The following PCDHA6 variants were observed in gnomAD, a reference collection of about 807,000 sequenced individuals.
The protein encoded by PCDHA6 is protocadherin alpha-6.
A neutral mutation model predicts 60.3 loss-of-function variants in PCDHA6; 55 were observed. The ratio of observed to expected loss-of-function variants is 0.91; its 90% CI spans 0.73 to 1.14. The LOEUF (loss-of-function observed/expected upper bound fraction) is 1.14. Among genes scored for constraint, PCDHA6 ranks in the 50% most tolerant of loss-of-function variants. The probability of loss-of-function intolerance (pLI) is 0.00; values close to 1 mark genes in which losing one functional copy is unlikely to be tolerated. For synonymous variants in PCDHA6, 652 were observed against 557.9 expected (o/e 1.17, Z -2.38); for missense variants, 1,327 against 1,256.5 (o/e 1.06, Z -0.85).
chr5:140,915,262 T>G (rs539637990), intron 1 of PCDHA6, among the ~76,000 whole-genome samples: 1 of 152,290 alleles, frequency 6.6e-6, no homozygotes, highest in Admixed American at 6.5e-5. Context: ...GTTATTATTT[T>G]TGACCAGTTC....
rs560121926 is a variant in PCDHA6 at position 140,949,352 on chromosome 5, T to A, written c.2395-29597T>A. Among the ~76,000 whole-genome samples, 6 of 151,992 alleles carry A rather than the reference T, an allele frequency of 3.9e-5. No individual in the cohort carries two copies. The South Asian group carries it at 1.2e-3, about 31-fold the overall frequency. On this transcript the variant is annotated intron_variant, in intron 1 of 3. Transcript: ENST00000529310. Reference sequence around the variant, plus strand: ...TTGTTATCCAGATTTTCTGTGTCTTTATTTTTTTGTCTAGTTGTCCTATCA... The same window carrying A: ...TTGTTATCCAGATTTTCTGTGTCTTAATTTTTTTGTCTAGTTGTCCTATCA...
intron 1 of PCDHA6, among the ~76,000 whole-genome samples, chr5:140,873,079 TC>T (rs544069393): frequency 1.1e-4 from 17 of 152,076 alleles, no homozygotes; most frequent in Admixed American, 4.6e-4. Context: ...TCTAGCTATT[TC>T]CCCCCCGTAT....
At chr5:140,875,966 ACT>A (rs782792514) in intron 1 of PCDHA6, 11 of 1,613,922 alleles carry the variant, frequency 6.8e-6, no homozygotes, top group Admixed American at 6.7e-5. Context: ...ATCGGCGTAA[ACT>A]CTCTTTTGAC....
rs2098414886 is a variant in PCDHA6, at chr5:141,009,848, A to T, written c.2764A>T (p.Thr922Ser). 7 of 1,614,012 alleles carry T rather than the reference A, an allele frequency of 4.3e-6. No homozygotes were observed. Among genetic ancestry groups the T allele is most frequent in the Non-Finnish European group, 5.1e-6 (6 of 1,180,014 alleles). ...DFITFGKKEE[T>S]KKKKKKKKGN... ...CATAACCTTCGGCAAAAAGGAGGAGACCAAGAAAAAGAAGAAAAAGAAGAA... is the reference window on the plus strand; with the variant it reads ...CATAACCTTCGGCAAAAAGGAGGAGTCCAAGAAAAAGAAGAAAAAGAAGAA... The change falls in exon 4 of 4, where the codon ACC becomes TCC. Residue 922 changes from threonine (T) to serine (S), a missense_variant. Thr to Ser is a moderately conservative substitution (Grantham distance 58). Transcript: ENST00000529310.
At chr5:140,843,596 T>A in intron 1 of PCDHA6, 1 of 1,596,026 alleles carries the variant, frequency 6.3e-7, no homozygotes, top group Non-Finnish European at 8.6e-7. Flanking sequence ...GCAGAGGGTG[T>A]GCTCTGGTGA....
chr5:140,832,681 A>C (rs1347638323), intron 1 of PCDHA6, among the ~76,000 whole-genome samples: 2 of 152,234 alleles, frequency 1.3e-5, no homozygotes, highest in Non-Finnish European at 1.5e-5. Flanking sequence ...GAATCATCGA[A>C]TTAACAAGAC....
intron 1 of PCDHA6, among the ~76,000 whole-genome samples, chr5:140,900,791 T>A (rs2068293056): frequency 6.6e-6 from 1 of 152,200 alleles, no homozygotes; most frequent in African/African-American, 2.4e-5. Flanking sequence ...TCCAAACTGT[T>A]CTCCATAGTG....
At chr5:140,873,963 T>G (rs1048862313) in intron 1 of PCDHA6, among the ~76,000 whole-genome samples, 2 of 152,206 alleles carry the variant, frequency 1.3e-5, no homozygotes, top group East Asian at 3.8e-4. Flanking sequence ...GCCCAGCCTA[T>G]TTTTTAAAAT....
At chr5:140,894,841 T>C in intron 1 of PCDHA6, among the ~76,000 whole-genome samples, 1 of 152,184 alleles carries the variant, frequency 6.6e-6, no homozygotes, top group East Asian at 1.9e-4. Context: ...TTTCTTATGC[T>C]CATTTTTATA....
At position 140,835,851 on chromosome 5, in the gene PCDHA6, G is replaced by C. The variant is rs2150246583; in HGVS notation, c.2394+5366G>C. 1.9e-5 allele frequency: 30 copies of C among 1,612,172 alleles called. No homozygotes were observed. In the South Asian group the frequency reaches 3.0e-4, roughly 16 times the overall value. ...CGCGGACGCGCAGAAGAACGCGCTG[G>C]TGTCCTACTCGCTGGTGGAGCTGCG... On this transcript the variant is annotated intron_variant, in intron 1 of 3. Coordinates refer to ENST00000529310, the MANE Select transcript of PCDHA6 (RefSeq NM_018909.4).
chr5:140,920,692 A>G (rs552577858), intron 1 of PCDHA6, among the ~76,000 whole-genome samples: 2 of 152,232 alleles, frequency 1.3e-5, no homozygotes, highest in Non-Finnish European at 2.9e-5. Flanking sequence ...AAAAATACAA[A>G]CATTAGCTTG....
At chr5:140,980,910 T>G (rs1554242463) in intron 2 of PCDHA6, among the ~76,000 whole-genome samples, 1 of 152,206 alleles carries the variant, frequency 6.6e-6, no homozygotes, top group East Asian at 1.9e-4. Context: ...ATGTAACTAT[T>G]CTTTAAAAAA....
chr5:140,916,229 A>G (rs2077489205), intron 1 of PCDHA6, among the ~76,000 whole-genome samples: 2 of 152,190 alleles, frequency 1.3e-5, no homozygotes, highest in African/African-American at 4.8e-5. Flanking sequence ...TATGCTTTCC[A>G]GGAGCCAAAG....
At chr5:140,951,672 T>C (rs1242247980) in intron 1 of PCDHA6, among the ~76,000 whole-genome samples, 1 of 152,114 alleles carries the variant, frequency 6.6e-6, no homozygotes, top group Non-Finnish European at 1.5e-5. Flanking sequence ...GCCTACAAAA[T>C]TGGGGATTAC....
chr5:140,997,557 A>G lies in PCDHA6; in HGVS notation c.2543-12070A>G, dbSNP rs1392974918. On this transcript the variant is annotated intron_variant, in intron 3 of 3. Coordinates refer to ENST00000529310, the MANE Select transcript of PCDHA6 (RefSeq NM_018909.4). ...TACATTATTATAATCTTACAGGACA[A>G]CTGTCATATGTGTGGTCCGTTGTTG... is the stretch of plus-strand genomic sequence containing the variant. Among the ~76,000 whole-genome samples, 15 of 152,262 alleles carry G rather than the reference A, an allele frequency of 9.9e-5. No individual in the cohort carries two copies. In the South Asian group the frequency reaches 1.2e-3, roughly 13 times the overall value.
chr5:140,870,879 G>A (rs1554164779), intron 1 of PCDHA6: 1 of 1,613,952 alleles, frequency 6.2e-7, no homozygotes, highest in East Asian at 2.2e-5. Flanking sequence ...TGGTGGCGAA[G>A]GTGCGCGCAG....
intron 1 of PCDHA6, chr5:140,871,176 G>T: frequency 6.2e-7 from 1 of 1,613,534 alleles, no homozygotes; most frequent in African/African-American, 1.3e-5. Context: ...CAGAGGCTGC[G>T]CTGGTGGATG....
intron 3 of PCDHA6, among the ~76,000 whole-genome samples, chr5:141,008,458 C>T (rs1234894606): frequency 3.9e-5 from 6 of 152,252 alleles, no homozygotes; most frequent in Middle Eastern, 3.4e-3. Context: ...CCTTCCTCTC[C>T]AGCTCTGACT....
chr5:140,883,092 G>C (rs782675726), intron 1 of PCDHA6: 2 of 1,614,108 alleles, frequency 1.2e-6, no homozygotes, highest in Non-Finnish European at 1.7e-6. Flanking sequence ...GGTACAAATG[G>C]AGATATAGTT....
Sources: gnomAD v4.1 joint callset for allele counts (sites outside exome capture counted in the v4.1 genomes callset) on GRCh38, gnomAD v4.1.1 for gene constraint, MANE v1.5 for transcripts, NCBI Gene and HGNC (gene_info 2026-07-23, HGNC 2026-07-21) for gene names.